BMP6: variants seen among roughly 807,000 people sequenced by gnomAD.
BMP6 encodes the protein bone morphogenetic protein 6, also known as VG-1-R.
A neutral mutation model predicts 54.1 loss-of-function variants in BMP6; 17 were observed. That is an observed-to-expected ratio of 0.31 (90% CI 0.22 to 0.47). The LOEUF (loss-of-function observed/expected upper bound fraction) is 0.47. Ranked by LOEUF, BMP6 falls within the 20% of genes least tolerant of loss-of-function variation. The probability of loss-of-function intolerance (pLI) is 1.00; values close to 1 mark genes in which losing one functional copy is unlikely to be tolerated. For missense variants in BMP6, 720 were observed against 690.4 expected (o/e 1.04, Z -0.48); for synonymous variants, 328 against 291.2 (o/e 1.13, Z -1.28).
intron 1 of BMP6, among the ~76,000 whole-genome samples, chr6:7,800,908 G>A (rs899173982): frequency 7.1e-6 from 1 of 141,110 alleles, no homozygotes; most frequent in Non-Finnish European, 1.5e-5. Flanking sequence ...AATAAAGCGG[G>A]GGGAGGGGGG....
chr6:7,838,130 T>G (rs908593824), intron 1 of BMP6, among the ~76,000 whole-genome samples: 1 of 152,106 alleles, frequency 6.6e-6, no homozygotes, highest in East Asian at 1.9e-4. Flanking sequence ...TGAAAACAGT[T>G]GAGTATAGTA....
At chr6:7,756,373 T>G (rs542418530) in intron 1 of BMP6, among the ~76,000 whole-genome samples, 2 of 152,224 alleles carry the variant, frequency 1.3e-5, no homozygotes, top group Non-Finnish European at 2.9e-5. Flanking sequence ...TGTATTTCCT[T>G]CTCATGCTCA....
intron 1 of BMP6, among the ~76,000 whole-genome samples, chr6:7,736,414 C>G (rs1581226140): frequency 6.6e-6 from 1 of 152,186 alleles, no homozygotes; most frequent in African/African-American, 2.4e-5. Context: ...TTTCTGAAAA[C>G]TTACATTAAA....
chr6:7,838,117 G>T (rs982837067), intron 1 of BMP6, among the ~76,000 whole-genome samples: 2 of 152,130 alleles, frequency 1.3e-5, no homozygotes, highest in Non-Finnish European at 2.9e-5. Context: ...TGCTCTTGAG[G>T]TCTGAAAACA....
chr6:7,760,072 T>C (rs1757589167), intron 1 of BMP6, among the ~76,000 whole-genome samples: 1 of 149,764 alleles, frequency 6.7e-6, no homozygotes, highest in African/African-American at 2.5e-5. Flanking sequence ...CTTTTTTTTT[T>C]TTTTTTTTTT....
At position 7,727,175 on chromosome 6, in the gene BMP6, C is replaced by G. The variant is rs1561750187; in HGVS notation, c.220C>G (p.Gln74Glu). ...SGFLYRRLKT[Q>E]EKREMQKEIL... ...CTTCCTGTACCGGCGGCTCAAGACGCAGGAGAAGCGGGAGATGCAGAAGGA... is the reference window on the plus strand; with the variant it reads ...CTTCCTGTACCGGCGGCTCAAGACGGAGGAGAAGCGGGAGATGCAGAAGGA... The change falls in exon 1 of 7, where the codon CAG becomes GAG. Residue 74 changes from glutamine to glutamate, a missense_variant. This residue lies in a region of BMP6 where 650 missense variants were observed against 556.3 expected (regional missense o/e 1.17). Transcript: ENST00000283147. 6.3e-7 allele frequency: 1 copy of G among 1,598,384 alleles called. No homozygotes were observed. The highest frequency in any genetic ancestry group is 1.3e-5 in the African/African-American group (1 of 74,468).
Position 7,727,334 on chromosome 6 carries a change from G to A in BMP6, c.379G>A (p.Gly127Arg), listed in dbSNP as rs1308178321. Residue 127 changes from glycine (G) to arginine (R), a missense_variant, in exon 1 of 7, where the codon GGG becomes AGG. By Grantham distance (125) the Gly-to-Arg change is moderately radical. Coordinates refer to ENST00000283147, the MANE Select transcript of BMP6 (RefSeq NM_001718.6). ...GCTGCCTCGCGGAGAGCCCCCTCCC[G>A]GGCGACTGAAGTCCGCGCCCCTCTT... ...QQLPRGEPPP[G>R]RLKSAPLFML... is the part of the protein sequence containing the mutation. 9 of 1,609,448 alleles carry A rather than the reference G, an allele frequency of 5.6e-6. No homozygotes were observed. Among genetic ancestry groups the A allele is most frequent in the Admixed American group, 5.0e-5 (3 of 59,806 alleles).
intron 2 of BMP6, among the ~76,000 whole-genome samples, chr6:7,849,110 A>G (rs1405349769): frequency 5.3e-5 from 8 of 152,326 alleles, no homozygotes; most frequent in East Asian, 1.9e-4. Context: ...AGTACCGGAA[A>G]GAGGTAAGCA....
chr6:7,876,442 C>G (rs1284405767), intron 4 of BMP6, among the ~76,000 whole-genome samples: 1 of 152,198 alleles, frequency 6.6e-6, no homozygotes, highest in Non-Finnish European at 1.5e-5. Context: ...CTACTACTCC[C>G]TATTACTGCC....
At chr6:7,779,330 A>ATT (rs142502560) in intron 1 of BMP6, among the ~76,000 whole-genome samples, 1 of 149,500 alleles carries the variant, frequency 6.7e-6, no homozygotes, top group African/African-American at 2.4e-5. Context: ...AAACTTATTT[A>ATT]TTTTTTTTTT....
At chr6:7,800,077 GGGGT>G (rs1554121683) in intron 1 of BMP6, among the ~76,000 whole-genome samples, 1 of 125,846 alleles carries the variant, frequency 7.9e-6, no homozygotes, top group African/African-American at 3.5e-5. Context: ...GATAAAGGAA[GGGGT>G]GTGTGTGTGT....
At chr6:7,781,374 T>G (rs1173459896) in intron 1 of BMP6, among the ~76,000 whole-genome samples, 1 of 142,896 alleles carries the variant, frequency 7.0e-6, no homozygotes, top group Non-Finnish European at 1.6e-5. Flanking sequence ...AAGGTGTGCT[T>G]CTTGGGGATG....
intron 1 of BMP6, among the ~76,000 whole-genome samples, chr6:7,797,359 C>T (rs1050871636): frequency 6.6e-6 from 1 of 152,126 alleles, no homozygotes; most frequent in Non-Finnish European, 1.5e-5. Context: ...AGTGTATAGT[C>T]GCTTCAGCTT....
intron 1 of BMP6, among the ~76,000 whole-genome samples, chr6:7,830,747 T>C (rs1758781008): frequency 6.6e-6 from 1 of 152,060 alleles, no homozygotes; most frequent in South Asian, 2.1e-4. Context: ...GCAGGGGAAA[T>C]GCCCTTTATG....
rs543927914 is a variant in BMP6 at position 7,790,123 on chromosome 6, A to G, written c.665-55017A>G. 2.6e-5 allele frequency among the ~76,000 whole-genome samples: 4 copies of G among 152,046 alleles called. No individual in the cohort carries two copies. In the East Asian group the frequency reaches 5.8e-4, roughly 22 times the overall value. On this transcript the variant is annotated intron_variant, in intron 1 of 6. Transcript: ENST00000283147. ...TCCCTCTGTCCATTTTCTGTGAGCA[A>G]TACATGCCCCCTGCTCCTTTCCAGA...
intron 1 of BMP6, among the ~76,000 whole-genome samples, chr6:7,815,392 G>A (rs188527121): frequency 1.3e-5 from 2 of 152,352 alleles, no homozygotes; most frequent in East Asian, 3.9e-4. Flanking sequence ...TAAGCTTTAA[G>A]AATTGGAGCA....
chr6:7,796,937 T>C (rs1758199591), intron 1 of BMP6, among the ~76,000 whole-genome samples: 1 of 152,224 alleles, frequency 6.6e-6, no homozygotes, highest in South Asian at 2.1e-4. Flanking sequence ...GGCACAATCA[T>C]AGGCTCATAA....
intron 1 of BMP6, among the ~76,000 whole-genome samples, chr6:7,739,031 T>C (rs754132576): frequency 6.6e-6 from 1 of 152,206 alleles, no homozygotes; most frequent in Non-Finnish European, 1.5e-5. Context: ...CAAATCTTCA[T>C]AGGGTCAAGC....
At chr6:7,753,890 T>C (rs972585370) in intron 1 of BMP6, among the ~76,000 whole-genome samples, 7 of 152,214 alleles carry the variant, frequency 4.6e-5, no homozygotes, top group Non-Finnish European at 7.3e-5. Flanking sequence ...AATTTCGAAA[T>C]ATTTGGGGAT....
Sources: gnomAD v4.1 joint callset for allele counts (sites outside exome capture counted in the v4.1 genomes callset) on GRCh38, gnomAD v4.1.1 for gene constraint, gnomAD v4.1.1 regional missense constraint, MANE v1.5 for transcripts, NCBI Gene and HGNC (gene_info 2026-07-23, HGNC 2026-07-21) for gene names.